Variants in MDGA2 observed in about 807,000 individuals in gnomAD.
The protein encoded by MDGA2 is MAM domain-containing glycosylphosphatidylinositol anchor protein 2.
MDGA2 carries 40 observed loss-of-function variants against 117.8 expected under a neutral mutation model. That is an observed-to-expected ratio of 0.34 (90% CI 0.26 to 0.44). The LOEUF (loss-of-function observed/expected upper bound fraction) is 0.44. Ranked by LOEUF, MDGA2 falls within the 20% of genes least tolerant of loss-of-function variation. The pLI, the probability that MDGA2 is intolerant of heterozygous loss-of-function variation, is 1.00. For synonymous variants in MDGA2, 452 were observed against 439.0 expected (o/e 1.03, Z -0.37); for missense variants, 1,123 against 1,250.6 (o/e 0.90, Z 1.54).
intron 1 of MDGA2, among the ~76,000 whole-genome samples, chr14:47,603,422 C>G (rs531135812): frequency 1.3e-5 from 2 of 152,152 alleles, no homozygotes; most frequent in Non-Finnish European, 2.9e-5. Context: ...TCATCACTGT[C>G]GAAAGACTAG....
chr14:47,545,838 A>T (rs995252537), intron 1 of MDGA2, among the ~76,000 whole-genome samples: 2 of 152,222 alleles, frequency 1.3e-5, no homozygotes, highest in Non-Finnish European at 2.9e-5. Context: ...ATGCCCTTCA[A>T]GTGCATCTGA....
At chr14:47,652,259 G>A (rs190903422) in intron 1 of MDGA2, among the ~76,000 whole-genome samples, 96 of 152,274 alleles carry the variant, frequency 6.3e-4, no homozygotes, top group African/African-American at 2.2e-3. Context: ...CAGAACATCT[G>A]AAGTTATTTT....
chr14:47,611,970 T>C (rs1896856079), intron 1 of MDGA2, among the ~76,000 whole-genome samples: 1 of 151,768 alleles, frequency 6.6e-6, no homozygotes, highest in African/African-American at 2.4e-5. Flanking sequence ...TTTCCAAGAG[T>C]GGAAAGTTGT....
chr14:47,082,342 A>G (rs1375898518), intron 6 of MDGA2, among the ~76,000 whole-genome samples: 1 of 151,994 alleles, frequency 6.6e-6, no homozygotes, highest in Non-Finnish European at 1.5e-5. Flanking sequence ...GAAAAAAAAA[A>G]AAAAATGAGC....
At position 46,932,272 on chromosome 14, in the gene MDGA2, T is replaced by C. The variant is rs573805045; in HGVS notation, c.2090-12112A>G. On this transcript the variant is annotated intron_variant, in intron 9 of 16. Transcript: ENST00000399232. ...TAAATTAAAAAAAAAGAAAGGAAGA[T>C]CTTTAGACTTGTATGAAAACTTGTA... 1.2e-3 allele frequency among the ~76,000 whole-genome samples: 179 copies of C among 152,160 alleles called. 1 individual carries two copies. Among genetic ancestry groups the C allele is most frequent in the African/African-American group, 4.1e-3 (172 of 41,560 alleles).
At chr14:47,178,668 C>A (rs1884575806) in intron 3 of MDGA2, among the ~76,000 whole-genome samples, 1 of 152,020 alleles carries the variant, frequency 6.6e-6, no homozygotes, top group Non-Finnish European at 1.5e-5. Context: ...CAGAAAGAAA[C>A]AGAAATATAA....
chr14:47,248,025 T>C (rs972663520), intron 2 of MDGA2, among the ~76,000 whole-genome samples: 2 of 151,622 alleles, frequency 1.3e-5, no homozygotes, highest in African/African-American at 2.4e-5. Context: ...ATGTGCCACA[T>C]TTTCTTTATC....
In MDGA2 at chr14:47,613,479, T is replaced by TCTCTCACACA. The variant is rs1023859588; in HGVS notation, c.280+61037_280+61038insTGTGTGAGAG. ...ATTTATCTCTCTCTCTCTCTCTCTC[T>TCTCTCACACA]CACACACACACACACACACACACAC... On this transcript the variant is annotated intron_variant, in intron 1 of 16. Transcript: ENST00000399232. 2.5e-3 allele frequency among the ~76,000 whole-genome samples: 359 copies of TCTCTCACACA among 141,154 alleles called. 2 individuals carry two copies. Among genetic ancestry groups the TCTCTCACACA allele is most frequent in the African/African-American group, 8.6e-3 (316 of 36,796 alleles). The allele number at this position is 141,154 out of a possible 152,430, so 92.6% of individuals were successfully genotyped here.
intron 10 of MDGA2, among the ~76,000 whole-genome samples, chr14:46,912,431 A>G (rs1303569826): frequency 6.6e-6 from 1 of 152,114 alleles, no homozygotes; most frequent in Non-Finnish European, 1.5e-5. Context: ...TGACTTGTAA[A>G]TTAACATATT....
intron 3 of MDGA2, among the ~76,000 whole-genome samples, chr14:47,216,893 G>A (rs1259511108): frequency 6.6e-6 from 1 of 151,972 alleles, no homozygotes; most frequent in East Asian, 1.9e-4. Context: ...GGGGATGAAT[G>A]TTTCTGAATT....
chr14:47,492,689 A>G (rs1197472680), intron 1 of MDGA2, among the ~76,000 whole-genome samples: 1 of 152,142 alleles, frequency 6.6e-6, no homozygotes, highest in Non-Finnish European at 1.5e-5. Flanking sequence ...CTTTGACAGG[A>G]CAGTTAAGTA....
At chr14:46,955,911 C>T (rs1210144233) in intron 9 of MDGA2, among the ~76,000 whole-genome samples, 2 of 152,046 alleles carry the variant, frequency 1.3e-5, no homozygotes, top group African/African-American at 2.4e-5. Context: ...TTGTATACTT[C>T]TATTCCCTGA....
intron 1 of MDGA2, among the ~76,000 whole-genome samples, chr14:47,395,169 CA>C (rs1311344455): frequency 1.3e-5 from 2 of 151,336 alleles, no homozygotes; most frequent in East Asian, 1.9e-4. Flanking sequence ...AAAACAGAAA[CA>C]AAAAAACTAT....
At chr14:47,599,448 T>A (rs185064538) in intron 1 of MDGA2, among the ~76,000 whole-genome samples, 54 of 152,192 alleles carry the variant, frequency 3.5e-4, no homozygotes, top group Admixed American at 3.4e-3. Flanking sequence ...GCATTCAATA[T>A]TTTATTTATT....
chr14:47,591,986 G>A (rs1896449722), intron 1 of MDGA2, among the ~76,000 whole-genome samples: 1 of 149,604 alleles, frequency 6.7e-6, no homozygotes, highest in African/African-American at 2.4e-5. Flanking sequence ...GAAAGTTGAA[G>A]TGTGCCCATA....
intron 1 of MDGA2, among the ~76,000 whole-genome samples, chr14:47,328,983 T>C (rs1004436075): frequency 2.6e-5 from 4 of 152,192 alleles, no homozygotes; most frequent in African/African-American, 9.7e-5. Flanking sequence ...TTTAACTAGT[T>C]CTTGCTTTTA....
chr14:47,382,499 A>G (rs997293189), intron 1 of MDGA2, among the ~76,000 whole-genome samples: 1 of 152,218 alleles, frequency 6.6e-6, no homozygotes, highest in Non-Finnish European at 1.5e-5. Flanking sequence ...GACTTAAACA[A>G]ATTCATAAGA....
chr14:46,864,763 A>G (rs2138334659), intron 14 of MDGA2, among the ~76,000 whole-genome samples: 1 of 152,086 alleles, frequency 6.6e-6, no homozygotes, highest in South Asian at 2.1e-4. Context: ...AATATCAACT[A>G]TTATCAAACA....
chr14:47,080,020 C>G (rs533279116), intron 6 of MDGA2, among the ~76,000 whole-genome samples: 1 of 152,208 alleles, frequency 6.6e-6, no homozygotes, highest in Admixed American at 6.5e-5. Flanking sequence ...CGTGAGCCAC[C>G]GTGCCCGGCC....
Sources: allele counts gnomAD v4.1 joint callset (sites outside exome capture counted in the v4.1 genomes callset), GRCh38; gene constraint gnomAD v4.1.1; transcripts MANE v1.5; gene names NCBI Gene and HGNC (gene_info 2026-07-23, HGNC 2026-07-21).